The following YBX1 variants were observed in gnomAD, a reference collection of about 807,000 sequenced individuals.
YBX1 encodes Y-box-binding protein 1.
A neutral mutation model predicts 41.4 loss-of-function variants in YBX1; 3 were observed. The observed-to-expected ratio is 0.07, with a 90% CI of 0.03 to 0.19. The LOEUF (loss-of-function observed/expected upper bound fraction) is 0.19, where lower values mean the gene tolerates loss of function less well. Ranked by LOEUF, YBX1 falls within the 10% of genes least tolerant of loss-of-function variation. YBX1 has a pLI of 1.00. For synonymous variants in YBX1, 133 were observed against 165.8 expected, an observed-to-expected ratio of 0.80 and a Z score of 1.52; for missense variants, 274 against 462.8, an observed-to-expected ratio of 0.59 and a Z score of 3.74.
At chr1:42,692,514 C>G (rs948711195) in intron 2 of YBX1, among the ~76,000 whole-genome samples, 1 of 152,124 alleles carries the variant, frequency 6.6e-6, no homozygotes, top group African/African-American at 2.4e-5. Context: ...CTATAATTTA[C>G]AGGTCAGATT....
intron 3 of YBX1, among the ~76,000 whole-genome samples, chr1:42,695,827 G>A (rs536945493): frequency 1.3e-5 from 2 of 152,354 alleles, no homozygotes; most frequent in African/African-American, 4.8e-5. Flanking sequence ...AACTGACGCA[G>A]TGTGGGGCCA....
chr1:42,690,299 A>G (rs757735737), intron 2 of YBX1, among the ~76,000 whole-genome samples: 6 of 150,644 alleles, frequency 4.0e-5, no homozygotes. Context: ...AATATCACAT[A>G]TATTTCCATT....
intron 2 of YBX1, among the ~76,000 whole-genome samples, chr1:42,688,517 T>C (rs1172060552): frequency 6.6e-6 from 1 of 152,218 alleles, no homozygotes; most frequent in African/African-American, 2.4e-5. Context: ...ACTATTATAA[T>C]ATGTAGCCAC....
At position 42,692,123 on chromosome 1, in the gene YBX1, C is replaced by T. The variant is rs573849359; in HGVS notation, c.231-1367C>T. The stretch of plus-strand genomic sequence containing the variant: ...GATTGCAGGCGTGAGCCACTGCACC[C>T]GGACTGGAAAAACTTTAAATACCCT... On this transcript the variant is annotated intron_variant, in intron 2 of 7. Coordinates refer to ENST00000321358, the MANE Select transcript of YBX1 (RefSeq NM_004559.5). Among the ~76,000 whole-genome samples, 32 of 152,304 alleles carry T rather than the reference C, an allele frequency of 2.1e-4. No homozygotes were observed. The South Asian group carries it at 2.9e-3, about 14-fold the overall frequency.
In YBX1 at chr1:42,703,081, A is replaced by G. The variant is rs1650645383; in HGVS notation, c.*1132A>G. ...GCTGGGAGTACAGGTGCGTGCCACC[A>G]CACCCAGCTAATTTTTGTATTTTTA... On this transcript the variant is annotated 3_prime_UTR_variant, in exon 8 of 8. Coordinates refer to ENST00000321358, the MANE Select transcript of YBX1 (RefSeq NM_004559.5). Among the ~76,000 whole-genome samples, 1 of 152,036 alleles carries G rather than the reference A, an allele frequency of 6.6e-6. No individual in the cohort carries two copies. Among genetic ancestry groups the G allele is most frequent in the Non-Finnish European group, 1.5e-5 (1 of 68,016 alleles).
intron 6 of YBX1, among the ~76,000 whole-genome samples, chr1:42,700,011 G>A (rs1307023695): frequency 6.6e-6 from 1 of 152,162 alleles, no homozygotes; most frequent in Non-Finnish European, 1.5e-5. Context: ...AAATAAGATG[G>A]AAAGCCTAGT....
intron 7 of YBX1, 60 bp from the exon 8 acceptor site, chr1:42,701,921 C>G (rs1383185268): frequency 3.3e-5 from 5 of 152,630 alleles, no homozygotes; most frequent in African/African-American, 1.2e-4. Context: ...AGGGCATGTA[C>G]TACACTAAAT....
At chr1:42,687,523 C>T (rs1037406340) in intron 2 of YBX1, among the ~76,000 whole-genome samples, 1 of 152,120 alleles carries the variant, frequency 6.6e-6, no homozygotes, top group Admixed American at 6.5e-5. Context: ...CTCAGGTGAT[C>T]CACCCGCCTA....
At chr1:42,686,052 T>A (rs1650188582) in intron 2 of YBX1, among the ~76,000 whole-genome samples, 1 of 152,224 alleles carries the variant, frequency 6.6e-6, no homozygotes, top group East Asian at 1.9e-4. Context: ...AGAATGTGAC[T>A]AGAGGGGTTT....
intron 2 of YBX1, among the ~76,000 whole-genome samples, chr1:42,689,110 C>T (rs1156927911): frequency 6.6e-6 from 1 of 152,196 alleles, no homozygotes; most frequent in Non-Finnish European, 1.5e-5. Context: ...CTTCCTGTCC[C>T]CCTAGTCCTG....
chr1:42,687,947 C>T (rs1003072402), intron 2 of YBX1, among the ~76,000 whole-genome samples: 2 of 152,072 alleles, frequency 1.3e-5, no homozygotes, highest in Non-Finnish European at 2.9e-5. Flanking sequence ...GGAGAGATGT[C>T]GAAGGTTCCA....
intron 1 of YBX1, 61 bp from the exon 2 acceptor site, chr1:42,683,342 G>A (rs1278714509): frequency 6.2e-7 from 1 of 1,607,572 alleles, no homozygotes; most frequent in African/African-American, 1.3e-5. Context: ...GCCCAAGCCG[G>A]GCGGATTTGG....
At chr1:42,690,292 A>G (rs1650298019) in intron 2 of YBX1, among the ~76,000 whole-genome samples, 1 of 150,884 alleles carries the variant, frequency 6.6e-6, no homozygotes, top group Non-Finnish European at 1.5e-5. Flanking sequence ...TAATGCAAAT[A>G]TCACATATAT....
intron 2 of YBX1, among the ~76,000 whole-genome samples, chr1:42,691,541 A>C (rs2148738082): frequency 6.6e-6 from 1 of 152,224 alleles, no homozygotes; most frequent in African/African-American, 2.4e-5. Flanking sequence ...GCCGGGTATG[A>C]TGATATTGAT....
At chr1:42,700,557 C>T (rs923692448) in intron 6 of YBX1, among the ~76,000 whole-genome samples, 1 of 150,860 alleles carries the variant, frequency 6.6e-6, no homozygotes, top group African/African-American at 2.4e-5. Flanking sequence ...TGTCATCATT[C>T]CATGGCACTT....
At position 42,703,736 on chromosome 1, in the gene YBX1, G is replaced by C. The variant is rs1650667630; in HGVS notation, c.*1787G>C. The stretch of plus-strand genomic sequence containing the variant: ...ATTGTTTTCATGGCATCACAGAGTT[G>C]AAAAATCATAAATGAAACCATTGTA... On this transcript the variant is annotated 3_prime_UTR_variant, in exon 8 of 8. Coordinates refer to ENST00000321358, the MANE Select transcript of YBX1 (RefSeq NM_004559.5). Among the ~76,000 whole-genome samples the C allele has an allele frequency of 6.6e-6, 1 of 152,128 alleles. No individual in the cohort carries two copies. Among genetic ancestry groups the C allele is most frequent in the Admixed American group, 6.5e-5 (1 of 15,268 alleles).
rs12760030 is a variant in YBX1, at chr1:42,683,148, C to G, written c.167-255C>G. The G allele has an allele frequency of 2.3e-4, 147 of 640,862 alleles. No homozygotes were observed. In the African/African-American group the frequency reaches 2.5e-3, roughly 11 times the overall value. The allele number at this position is 640,862 out of a possible 1,614,324, so 39.7% of individuals were successfully genotyped here. On this transcript the variant is annotated intron_variant, in intron 1 of 7. Coordinates refer to ENST00000321358, the MANE Select transcript of YBX1 (RefSeq NM_004559.5). ...GCGGCTTCCCCTTCCCTCACGTGCT[C>G]TCCGTCCGCGGCCTGCGCACACACC... is the stretch of plus-strand genomic sequence containing the variant.
At position 42,702,945 on chromosome 1, in the gene YBX1, T is replaced by C. The variant is rs1363385281; in HGVS notation, c.*996T>C. On this transcript the variant is annotated 3_prime_UTR_variant, in exon 8 of 8. Coordinates refer to ENST00000321358, the MANE Select transcript of YBX1 (RefSeq NM_004559.5). ...TAGTCTGGCTGATCTTTTCTCTTTTTGAGACGGAGTCTTGTTCTGTCATCA... is the reference window on the plus strand; with the variant it reads ...TAGTCTGGCTGATCTTTTCTCTTTTCGAGACGGAGTCTTGTTCTGTCATCA... Among the ~76,000 whole-genome samples the C allele has an allele frequency of 6.6e-6, 1 of 152,198 alleles. No individual in the cohort carries two copies. The highest frequency in any genetic ancestry group is 2.4e-5 in the African/African-American group (1 of 41,448).
rs1289828777 is a variant in YBX1, at chr1:42,682,488, G to A, written c.-78G>A. 5 of 1,351,004 alleles carry A rather than the reference G, an allele frequency of 3.7e-6. No homozygotes were observed. Among genetic ancestry groups the A allele is most frequent in the South Asian group, 1.7e-5 (1 of 59,638 alleles). 83.7% of individuals were successfully genotyped at this position (1,351,004 alleles called of 1,614,324 possible). ...GAGAGCCCTGAGCAGCCCCACCGCCGCCGCCGGCCTAGTTACCATCACACC... is the reference window on the plus strand; with the variant it reads ...GAGAGCCCTGAGCAGCCCCACCGCCACCGCCGGCCTAGTTACCATCACACC... On this transcript the variant is annotated 5_prime_UTR_variant, in exon 1 of 8. Transcript: ENST00000321358.
Sources: gnomAD v4.1 joint callset for allele counts (sites outside exome capture counted in the v4.1 genomes callset) on GRCh38, gnomAD v4.1.1 for gene constraint, MANE v1.5 for transcripts, NCBI Gene and HGNC (gene_info 2026-07-23, HGNC 2026-07-21) for gene names.